CNTN6: variants seen among roughly 807,000 people sequenced by gnomAD.
CNTN6 encodes the protein contactin 6.
In CNTN6, 137 loss-of-function variants were observed where a neutral mutation model predicts 122.8. The observed-to-expected ratio is 1.12, with a 90% confidence interval of 0.97 to 1.29. CNTN6 has a LOEUF of 1.29. Ranked by LOEUF, CNTN6 falls within the 50% of genes most tolerant of loss-of-function variation. The probability of loss-of-function intolerance (pLI) is 0.00; values close to 1 mark genes in which losing one functional copy is unlikely to be tolerated. For missense variants in CNTN6, 1,634 were observed against 1,223.4 expected (o/e 1.34, Z -5.01); for synonymous variants, 570 against 426.0 (o/e 1.34, Z -4.16).
At chr3:1,189,931 T>C (rs1391272247) in intron 2 of CNTN6, among the ~76,000 whole-genome samples, 2 of 152,208 alleles carry the variant, frequency 1.3e-5, no homozygotes, top group Non-Finnish European at 2.9e-5. Flanking sequence ...AATGATGATA[T>C]GAATTTAGGT....
intron 12 of CNTN6, among the ~76,000 whole-genome samples, chr3:1,365,743 T>A (rs918446661): frequency 6.6e-5 from 10 of 152,196 alleles, no homozygotes; most frequent in African/African-American, 2.4e-4. Context: ...TTCCTTTCAT[T>A]TAGGAATTCT....
chr3:1,332,580 G>A (rs796838644), intron 11 of CNTN6, among the ~76,000 whole-genome samples: 4 of 151,200 alleles, frequency 2.6e-5, no homozygotes, highest in Admixed American at 6.6e-5. Flanking sequence ...GAAAGAGAGA[G>A]AGGAAGCAGG....
chr3:1,402,674 GT>G (rs576387869), intron 22 of CNTN6, 188 bp downstream of exon 22: 243 of 441,732 alleles, frequency 5.5e-4, no homozygotes, highest in African/African-American at 4.5e-3. Context: ...ACTATAAATG[GT>G]TTTATGCTTC....
chr3:1,299,819 C>T (rs1360272225), intron 7 of CNTN6, among the ~76,000 whole-genome samples: 3 of 152,136 alleles, frequency 2.0e-5, no homozygotes, highest in Non-Finnish European at 4.4e-5. Context: ...CTTATAATCT[C>T]TATGAATTAC....
rs773206932 is a variant in CNTN6 at position 1,402,395 on chromosome 3, A to G, written c.2895A>G (p.Pro965=). 2 of 1,612,688 alleles carry G rather than the reference A, an allele frequency of 1.2e-6. No individual in the cohort carries two copies. The highest frequency in any genetic ancestry group is 8.5e-7 in the Non-Finnish European group (1 of 1,179,098). ...ATACATCAGCTGAGCTTCTGGTTCCATTTGAAGAAGACTACTTAATTGAAA... is the reference window on the plus strand; with the variant it reads ...ATACATCAGCTGAGCTTCTGGTTCCGTTTGAAGAAGACTACTTAATTGAAA... The part of the protein sequence containing the change: ...TNNTSAELLV[P]FEEDYLIEIR... Residue 965 remains proline (P), a synonymous_variant, in exon 22 of 23, where the codon CCA becomes CCG. Transcript: ENST00000446702.
intron 1 of CNTN6, among the ~76,000 whole-genome samples, chr3:1,145,960 G>A (rs2092714633): frequency 6.6e-6 from 1 of 152,102 alleles, no homozygotes; most frequent in South Asian, 2.1e-4. Flanking sequence ...ATATTTAAAT[G>A]AGTAGAAAGG....
At chr3:1,277,185 C>A (rs1354790101) in intron 4 of CNTN6, among the ~76,000 whole-genome samples, 1 of 152,124 alleles carries the variant, frequency 6.6e-6, no homozygotes, top group Admixed American at 6.5e-5. Context: ...CTCAAGGACA[C>A]TTACCACAAT....
At chr3:1,194,500 A>G (rs1431921591) in intron 2 of CNTN6, among the ~76,000 whole-genome samples, 2 of 152,172 alleles carry the variant, frequency 1.3e-5, no homozygotes, top group Non-Finnish European at 2.9e-5. Flanking sequence ...ATATATTAAT[A>G]TGCTAATAAT....
At chr3:1,105,671 A>G (rs1246711916) in intron 1 of CNTN6, among the ~76,000 whole-genome samples, 2 of 152,144 alleles carry the variant, frequency 1.3e-5, no homozygotes, top group African/African-American at 4.8e-5. Flanking sequence ...TTAAAGATAA[A>G]TCAGTGTTTG....
At chr3:1,317,401 C>T (rs1700241787) in intron 7 of CNTN6, among the ~76,000 whole-genome samples, 1 of 151,626 alleles carries the variant, frequency 6.6e-6, no homozygotes, top group Non-Finnish European at 1.5e-5. Flanking sequence ...TGGATGAATA[C>T]AGCAGGAAAA....
chr3:1,266,911 T>A (rs2094934667), intron 4 of CNTN6, among the ~76,000 whole-genome samples: 1 of 147,912 alleles, frequency 6.8e-6, no homozygotes, highest in Non-Finnish European at 1.5e-5. Context: ...CTGGCCAGAC[T>A]CCCTCAGACC....
At chr3:1,164,181 G>C (rs1277710859) in intron 2 of CNTN6, among the ~76,000 whole-genome samples, 1 of 152,182 alleles carries the variant, frequency 6.6e-6, no homozygotes, top group Non-Finnish European at 1.5e-5. Flanking sequence ...TCATATCCAG[G>C]TTTTGGCCCA....
At chr3:1,349,385 C>T (rs769524161) in intron 11 of CNTN6, among the ~76,000 whole-genome samples, 7 of 151,246 alleles carry the variant, frequency 4.6e-5, no homozygotes, top group Non-Finnish European at 8.8e-5. Flanking sequence ...ATCTATTCTT[C>T]TGGCTGTGTG....
intron 1 of CNTN6, among the ~76,000 whole-genome samples, chr3:1,098,277 A>G (rs1017015207): frequency 1.3e-5 from 2 of 152,018 alleles, no homozygotes; most frequent in African/African-American, 4.8e-5. Flanking sequence ...GAGAAAGGGT[A>G]TATTTGATTT....
At chr3:1,278,585 C>T (rs1191463202) in intron 5 of CNTN6, 77 bp downstream of exon 5, 3 of 949,612 alleles carry the variant, frequency 3.2e-6, no homozygotes, top group Non-Finnish European at 4.8e-6. Flanking sequence ...GTCTTAGGCT[C>T]AGTGATCACC....
rs563685349 is a variant in CNTN6, at chr3:1,388,541, C to G, written c.2704+2744C>G. Among the ~76,000 whole-genome samples, 954 of 151,200 alleles carry G rather than the reference C, an allele frequency of 6.3e-3. 12 individuals are homozygous for G. Among genetic ancestry groups the G allele is most frequent in the African/African-American group, 0.022 (908 of 40,810 alleles). ...CCAAGGGAACGCAGTTCCTCACCAG[C>G]AACGGAACAAAGCTGGACGGAGAAT... On this transcript the variant is annotated intron_variant, in intron 20 of 22. Transcript: ENST00000446702.
At chr3:1,388,083 A>C (rs555950372) in intron 20 of CNTN6, among the ~76,000 whole-genome samples, 1,540 of 151,930 alleles carry the variant, frequency 0.01, 14 homozygotes, top group African/African-American at 0.017. Flanking sequence ...GCCTGCCTGC[A>C]ACTGTAGGCT....
Position 1,402,321 on chromosome 3 carries a change from C to T in CNTN6, c.2821C>T (p.Leu941=), listed in dbSNP as rs761845981. The T allele has an allele frequency of 1.2e-6, 2 of 1,606,270 alleles. No homozygotes were observed. The highest frequency in any genetic ancestry group is 1.7e-5 in the Admixed American group (1 of 59,562). ...CTTGATACCTCATTTTATTCAGATT[C>T]TGTACCGGCAAAACAGACAGAGTAA... ...NESEVLGYKI[L]YRQNRQSKTH... is the part of the protein sequence containing the mutation. Residue 941 remains leucine (L), a synonymous_variant, in exon 22 of 23, where the codon CTG becomes TTG. Coordinates refer to ENST00000446702, the MANE Select transcript of CNTN6 (RefSeq NM_001289080.2).
intron 2 of CNTN6, among the ~76,000 whole-genome samples, chr3:1,208,907 C>T (rs2093994892): frequency 6.6e-6 from 1 of 151,998 alleles, no homozygotes; most frequent in African/African-American, 2.4e-5. Context: ...ATTGTCAGTG[C>T]ATAAAGAAGG....
Sources: gnomAD v4.1 joint callset for allele counts (sites outside exome capture counted in the v4.1 genomes callset) on GRCh38, gnomAD v4.1.1 for gene constraint, MANE v1.5 for transcripts, NCBI Gene and HGNC (gene_info 2026-07-23, HGNC 2026-07-21) for gene names.